SBF2: variants seen among roughly 807,000 people sequenced by gnomAD.
The protein encoded by SBF2 is myotubularin-related protein 13.
A neutral mutation model predicts 225.2 loss-of-function variants in SBF2; 112 were observed. The ratio of observed to expected loss-of-function variants is 0.50; its 90% CI spans 0.43 to 0.58. The LOEUF (loss-of-function observed/expected upper bound fraction) is 0.58, where lower values mean the gene tolerates loss of function less well. Ranked by LOEUF, SBF2 falls within the 20% of genes least tolerant of loss-of-function variation. SBF2 has a pLI of 0.00. For synonymous variants in SBF2, 763 were observed against 773.3 expected, an observed-to-expected ratio of 0.99 and a Z score of 0.22; for missense variants, 1,996 against 2,206.2, an observed-to-expected ratio of 0.90 and a Z score of 1.91.
At chr11:9,809,193 C>T in intron 30 of SBF2, 191 bp from the exon 31 acceptor site, 1 of 525,236 alleles carries the variant, frequency 1.9e-6, no homozygotes. Context: ...TGACTGGATG[C>T]AATGACTCAT....
intron 2 of SBF2, among the ~76,000 whole-genome samples, chr11:10,074,435 A>T (rs576783303): frequency 1.3e-5 from 2 of 152,316 alleles, no homozygotes; most frequent in South Asian, 4.1e-4. Flanking sequence ...GGAAGATCAA[A>T]TGGAAAGACA....
intron 20 of SBF2, 127 bp downstream of exon 20, chr11:9,853,412 TA>T: frequency 2.4e-6 from 2 of 843,672 alleles, no homozygotes; most frequent in African/African-American, 1.7e-5. Flanking sequence ...AAAAACATTT[TA>T]AAAACTAATC....
At chr11:9,830,650 G>A (rs1360613175) in intron 27 of SBF2, among the ~76,000 whole-genome samples, 1 of 150,374 alleles carries the variant, frequency 6.7e-6, no homozygotes, top group Non-Finnish European at 1.5e-5. Context: ...TGAGGCAGGA[G>A]AATCGCTTGA....
chr11:10,028,370 T>C, intron 6 of SBF2, 82 bp downstream of exon 6: 1 of 867,444 alleles, frequency 1.2e-6, no homozygotes, highest in Non-Finnish European at 2.0e-6. Flanking sequence ...TCTTGATTCA[T>C]GTGAGGTGAT....
At chr11:9,983,349 A>C (rs1275128070) in intron 13 of SBF2, among the ~76,000 whole-genome samples, 2 of 151,996 alleles carry the variant, frequency 1.3e-5, no homozygotes, top group Non-Finnish European at 2.9e-5. Context: ...CAGCAGAGGG[A>C]GCCATAATCT....
chr11:10,256,872 T>G (rs1173535998), intron 1 of SBF2, among the ~76,000 whole-genome samples: 1 of 152,220 alleles, frequency 6.6e-6, no homozygotes, highest in Non-Finnish European at 1.5e-5. Flanking sequence ...TTATCCCATA[T>G]TTATCCTATA....
chr11:9,801,831 AT>A (rs1853508992), intron 32 of SBF2, among the ~76,000 whole-genome samples: 1 of 152,246 alleles, frequency 6.6e-6, no homozygotes, highest in Admixed American at 6.5e-5. Flanking sequence ...ATATTACTGG[AT>A]AAATTTTAGA....
At chr11:10,069,919 A>G (rs533699859) in intron 2 of SBF2, among the ~76,000 whole-genome samples, 10 of 152,358 alleles carry the variant, frequency 6.6e-5, no homozygotes, top group African/African-American at 2.4e-4. Context: ...AATGATGATG[A>G]GCATTTTTTC....
At chr11:9,848,314 A>C (rs1856697471) in intron 22 of SBF2, among the ~76,000 whole-genome samples, 1 of 152,230 alleles carries the variant, frequency 6.6e-6, no homozygotes, top group Non-Finnish European at 1.5e-5. Context: ...TTTATATAAC[A>C]TGTAAAATTA....
chr11:10,298,073 C>A (rs1390092201), upstream of SBF2, among the ~76,000 whole-genome samples: 1 of 152,230 alleles, frequency 6.6e-6, no homozygotes, highest in African/African-American at 2.4e-5. Context: ...GTGTATGTGG[C>A]AGATACCTTT....
chr11:9,809,529 A>C (rs1178611690), intron 30 of SBF2, among the ~76,000 whole-genome samples: 1 of 149,546 alleles, frequency 6.7e-6, no homozygotes, highest in Non-Finnish European at 1.5e-5. Flanking sequence ...TGATGTAGTA[A>C]GTTTTGTTTC....
At chr11:10,238,986 G>T (rs1035242339) in intron 1 of SBF2, among the ~76,000 whole-genome samples, 1 of 150,672 alleles carries the variant, frequency 6.6e-6, no homozygotes, top group African/African-American at 2.4e-5. Flanking sequence ...CAACTGATGA[G>T]AACATGTGAA....
chr11:9,877,389 A>C (rs1859343690), intron 17 of SBF2, among the ~76,000 whole-genome samples: 1 of 152,214 alleles, frequency 6.6e-6, no homozygotes, highest in Non-Finnish European at 1.5e-5. Context: ...ATCATTAATT[A>C]AACCTAAATA....
At chr11:10,273,393 T>C (rs986487927) in intron 1 of SBF2, among the ~76,000 whole-genome samples, 5 of 152,228 alleles carry the variant, frequency 3.3e-5, no homozygotes, top group Non-Finnish European at 5.9e-5. Flanking sequence ...AAAAATTGTA[T>C]CATTATTTGT....
At position 10,158,691 on chromosome 11, in the gene SBF2, T is replaced by C. The variant is rs190967123; in HGVS notation, c.141+35211A>G. 1.2e-3 allele frequency among the ~76,000 whole-genome samples: 181 copies of C among 152,148 alleles called. 2 individuals carry two copies. The Middle Eastern group carries it at 0.027, about 23-fold the overall frequency. On this transcript the variant is annotated intron_variant, in intron 2 of 39. Coordinates refer to ENST00000256190, the MANE Select transcript of SBF2 (RefSeq NM_030962.4). ...GAATCATACAGATCATAAAAAGCCA[T>C]ATAAAGACTACAGAAAAAGAAAATT... is the stretch of plus-strand genomic sequence containing the variant.
intron 2 of SBF2, among the ~76,000 whole-genome samples, chr11:10,124,773 C>CA (rs1357934319): frequency 1.3e-5 from 2 of 151,916 alleles, no homozygotes; most frequent in East Asian, 1.9e-4. Flanking sequence ...AAAATAAAAA[C>CA]AAAAAAATAT....
chr11:10,032,901 T>C (rs1448200527), intron 3 of SBF2, among the ~76,000 whole-genome samples: 1 of 152,202 alleles, frequency 6.6e-6, no homozygotes, highest in Non-Finnish European at 1.5e-5. Flanking sequence ...CCCCTATTCA[T>C]AGAGGCCAAT....
At chr11:10,188,040 A>C (rs1957007247) in intron 2 of SBF2, among the ~76,000 whole-genome samples, 1 of 152,160 alleles carries the variant, frequency 6.6e-6, no homozygotes, top group African/African-American at 2.4e-5. Context: ...AGAGAGAGTA[A>C]ATTAACTTCG....
At chr11:9,908,963 C>G (rs1198959054) in intron 16 of SBF2, among the ~76,000 whole-genome samples, 1 of 151,592 alleles carries the variant, frequency 6.6e-6, no homozygotes, top group Admixed American at 6.6e-5. Context: ...GCTGGGATTA[C>G]AGATGTGAGC....
Sources: gnomAD v4.1 joint callset for allele counts (sites outside exome capture counted in the v4.1 genomes callset) on GRCh38, gnomAD v4.1.1 for gene constraint, MANE v1.5 for transcripts, NCBI Gene and HGNC (gene_info 2026-07-23, HGNC 2026-07-21) for gene names.